The following MAGT1 variants were observed in gnomAD, a reference collection of about 807,000 sequenced individuals.
MAGT1 encodes the protein magnesium transporter 1, also known as dolichyl-diphosphooligosaccharide--protein glycosyltransferase subunit MAGT1.
A neutral mutation model predicts 28.4 loss-of-function variants in MAGT1; 4 were observed. That is an observed-to-expected ratio of 0.14 (90% confidence interval 0.07 to 0.32). The LOEUF (loss-of-function observed/expected upper bound fraction) is 0.32, where lower values mean the gene tolerates loss of function less well. MAGT1 is among the 10% of genes least tolerant of loss of function. The probability of loss-of-function intolerance (pLI) is 1.00; values close to 1 mark genes in which losing one functional copy is unlikely to be tolerated. For missense variants in MAGT1, 193 were observed against 264.5 expected (o/e 0.73, Z 1.88); for synonymous variants, 89 against 89.7 (o/e 0.99, Z 0.04).
chrX:77,838,191 C>T (rs949797180), intron 8 of MAGT1, among the ~76,000 whole-genome samples: 2 of 111,891 alleles, frequency 1.8e-5, no homozygotes, highest in African/African-American at 3.3e-5. Flanking sequence ...TGGTGGCTCA[C>T]GCCTGTAATC....
In MAGT1 at chrX:77,826,089, C is replaced by G. The variant is rs902640293; in HGVS notation, c.*3131G>C. Among the ~76,000 whole-genome samples, 6 of 112,042 alleles carry G rather than the reference C, an allele frequency of 5.4e-5. 1 individual carries two copies. The South Asian group carries it at 2.2e-3, about 41-fold the overall frequency. On this transcript the variant is annotated 3_prime_UTR_variant, in exon 10 of 10. Coordinates refer to ENST00000618282, the MANE Select transcript of MAGT1 (RefSeq NM_001367916.1). ...TCACTGTCTGGGACGAAAGGTAGAT[C>G]AATTGTTGCAAACAGTCATTTATCT...
intron 4 of MAGT1, 23 bp downstream of exon 4, chrX:77,857,334 G>C (rs2076983788): frequency 1.7e-6 from 2 of 1,209,275 alleles, no homozygotes; most frequent in South Asian, 3.5e-5. Flanking sequence ...CCAAGAAACA[G>C]TCTACATAGT....
intron 3 of MAGT1, among the ~76,000 whole-genome samples, chrX:77,861,902 T>G (rs1243437530): frequency 9.1e-6 from 1 of 110,391 alleles, no homozygotes; most frequent in Non-Finnish European, 1.9e-5. Flanking sequence ...ACTGGGGGAG[T>G]GGGGAACTGA....
chrX:77,871,659 T>C (rs1403840238), intron 2 of MAGT1, among the ~76,000 whole-genome samples: 5 of 111,168 alleles, frequency 4.5e-5, no homozygotes, highest in Admixed American at 9.6e-5. Flanking sequence ...CTGGCCAATA[T>C]GGTGAAACCC....
intron 7 of MAGT1, among the ~76,000 whole-genome samples, chrX:77,846,293 T>C (rs1385817692): frequency 1.8e-5 from 2 of 112,004 alleles, no homozygotes; most frequent in African/African-American, 6.5e-5. Context: ...TCAGGTCCTT[T>C]AAGGACTTCT....
At chrX:77,837,153 C>T (rs1473601288) in intron 8 of MAGT1, 1 of 111,126 alleles carries the variant, frequency 9.0e-6, no homozygotes, top group Admixed American at 9.7e-5. Flanking sequence ...ATGGCCTTTT[C>T]CCAAGAATAA....
intron 9 of MAGT1, among the ~76,000 whole-genome samples, chrX:77,830,153 CT>C (rs1406434788): frequency 2.7e-5 from 3 of 111,971 alleles, no homozygotes; most frequent in Admixed American, 9.5e-5. Flanking sequence ...AAGACCCTGT[CT>C]TTACAAAAAA....
At chrX:77,883,006 T>A (rs2077056886) in intron 1 of MAGT1, among the ~76,000 whole-genome samples, 1 of 100,569 alleles carries the variant, frequency 9.9e-6, no homozygotes, top group Non-Finnish European at 2.0e-5. Flanking sequence ...TTATATATAT[T>A]TATATATATA....
At position 77,829,133 on chromosome X, in the gene MAGT1, T is replaced by C. The variant is rs192126088; in HGVS notation, c.*87A>G. On this transcript the variant is annotated 3_prime_UTR_variant, in exon 10 of 10. Transcript: ENST00000618282. ...TGAAAAAAAGAGGTAATACAAAATATACAAGTTGCATTCTTCTTTTCAAAC... is the reference window on the plus strand; with the variant it reads ...TGAAAAAAAGAGGTAATACAAAATACACAAGTTGCATTCTTCTTTTCAAAC... 8.4e-5 allele frequency: 66 copies of C among 789,613 alleles called. No individual in the cohort carries two copies. In the East Asian group the frequency reaches 1.1e-3, roughly 14 times the overall value. 65.1% of individuals were successfully genotyped at this position (789,613 alleles called of 1,213,427 possible).
chrX:77,841,234 A>G lies in MAGT1; in HGVS notation c.901+12T>C, dbSNP rs1385450326. The G allele has an allele frequency of 1.4e-5, 16 of 1,170,289 alleles. No homozygotes were observed. Among genetic ancestry groups the G allele is most frequent in the Non-Finnish European group, 1.7e-5 (15 of 859,460 alleles). The stretch of plus-strand genomic sequence containing the variant: ...CAGGCAGCACTGTTACATTTTGAGT[A>G]AGGTGACTTACTCTTTCGCTTTCCA... On this transcript the variant is annotated intron_variant, in intron 8 of 9. Transcript: ENST00000618282.
At chrX:77,858,995 G>T (rs782093942) in intron 3 of MAGT1, among the ~76,000 whole-genome samples, 2 of 111,190 alleles carry the variant, frequency 1.8e-5, no homozygotes, top group Non-Finnish European at 3.8e-5. Flanking sequence ...AGATAATGAG[G>T]TCAGGAGTTC....
In MAGT1 at chrX:77,876,132, T is replaced by TTATATA. The variant is rs1222026237; in HGVS notation, c.103-541_103-536dup. 5.7e-3 allele frequency among the ~76,000 whole-genome samples: 193 copies of TTATATA among 34,047 alleles called. 2 individuals are homozygous for TTATATA. Among genetic ancestry groups the TTATATA allele is most frequent in the African/African-American group, 0.015 (93 of 6,335 alleles). The allele number at this position is 34,047 out of a possible 115,157, so 29.6% of individuals were successfully genotyped here. A position where few individuals can be genotyped will look rare whatever the true frequency, so the allele number is the denominator to read the frequency against. ...AGGCATGAGCCACCACACCTGGCCT[T>TTATATA]TATATATATATATATATATATATAT... On this transcript the variant is annotated intron_variant, in intron 1 of 9. Transcript: ENST00000618282.
At position 77,867,353 on chromosome X, in the gene MAGT1, G is replaced by C. The variant is rs984416258; in HGVS notation, c.390+3455C>G. Among the ~76,000 whole-genome samples, 21 of 66,635 alleles carry C rather than the reference G, an allele frequency of 3.2e-4. 3 individuals are homozygous for C. Among genetic ancestry groups the C allele is most frequent in the African/African-American group, 6.6e-4 (19 of 28,707 alleles). The allele number at this position is 66,635 out of a possible 115,157, so 57.9% of individuals were successfully genotyped here. A position where few individuals can be genotyped will look rare whatever the true frequency, so the allele number is the denominator to read the frequency against. On this transcript the variant is annotated intron_variant, in intron 3 of 9. Transcript: ENST00000618282. ...GTTGTTTTCTTAAGAGTTGGGGTCT[G>C]GCTCTGCTGCTCAGGCTAGAGTGCA...
chrX:77,854,630 T>C (rs2076976902), intron 6 of MAGT1, among the ~76,000 whole-genome samples: 1 of 108,963 alleles, frequency 9.2e-6, no homozygotes, highest in African/African-American at 3.3e-5. Flanking sequence ...ATTACAGGTA[T>C]TAGTCACCAC....
At chrX:77,848,287 A>T (rs1468026024) in intron 7 of MAGT1, among the ~76,000 whole-genome samples, 2 of 112,262 alleles carry the variant, frequency 1.8e-5, no homozygotes, top group African/African-American at 6.5e-5. Context: ...TCCTGATTAA[A>T]TGTTACTCCA....
intron 7 of MAGT1, among the ~76,000 whole-genome samples, chrX:77,841,761 C>A (rs782683766): frequency 9.2e-5 from 10 of 108,207 alleles, no homozygotes; most frequent in Admixed American, 6.0e-4. Flanking sequence ...CTACAACCTC[C>A]ACCTCCCAGG....
chrX:77,883,099 A>ATATAT (rs2077057653), intron 1 of MAGT1, among the ~76,000 whole-genome samples: 1 of 102,438 alleles, frequency 9.8e-6, no homozygotes, highest in African/African-American at 3.5e-5. Flanking sequence ...TTATATTAAT[A>ATATAT]TAATAACATA....
rs1557212918 is a variant in MAGT1 at position 77,826,326 on chromosome X, A to C, written c.*2894T>G. Reference sequence around the variant, plus strand: ...TTTACAATTCTAGTTTAGTGTTTAAAACTCACTCCTCTTTAGATGGTAATC... The same window carrying C: ...TTTACAATTCTAGTTTAGTGTTTAACACTCACTCCTCTTTAGATGGTAATC... On this transcript the variant is annotated 3_prime_UTR_variant, in exon 10 of 10. Coordinates refer to ENST00000618282, the MANE Select transcript of MAGT1 (RefSeq NM_001367916.1). The C allele has an allele frequency of 1.8e-5, 2 of 112,520 alleles. No individual in the cohort carries two copies. The highest frequency in any genetic ancestry group is 3.8e-5 in the Non-Finnish European group (2 of 53,274). The allele number at this position is 112,520 out of a possible 1,213,427, so 9.3% of individuals were successfully genotyped here.
At chrX:77,851,525 C>T (rs782766401) in intron 7 of MAGT1, among the ~76,000 whole-genome samples, 21 of 111,842 alleles carry the variant, frequency 1.9e-4, no homozygotes, top group Non-Finnish European at 4.0e-4. Context: ...AGGCGTGCAC[C>T]ACCATGCCTG....
Sources: allele counts gnomAD v4.1 joint callset (sites outside exome capture counted in the v4.1 genomes callset), GRCh38; gene constraint gnomAD v4.1.1; transcripts MANE v1.5; gene names NCBI Gene and HGNC (gene_info 2026-07-23, HGNC 2026-07-21).